RUBCNL: variants seen among roughly 807,000 people sequenced by gnomAD.
RUBCNL encodes the protein protein associated with UVRAG as autophagy enhancer.
Under a neutral mutation model 69.5 loss-of-function variants are expected in RUBCNL, and 62 were observed. The observed-to-expected ratio is 0.89, with a 90% confidence interval of 0.73 to 1.10. The LOEUF is 1.10. Ranked by LOEUF, RUBCNL falls within the 50% of genes least tolerant of loss-of-function variation. The probability of loss-of-function intolerance (pLI) is 0.00; values close to 1 mark genes in which losing one functional copy is unlikely to be tolerated. For missense variants in RUBCNL, 768 were observed against 798.1 expected (o/e 0.96, Z 0.45); for synonymous variants, 291 against 303.6 (o/e 0.96, Z 0.43).
intron 12 of RUBCNL, among the ~76,000 whole-genome samples, chr13:46,347,359 A>G (rs1434796422): frequency 6.6e-6 from 1 of 152,142 alleles, no homozygotes; most frequent in African/African-American, 2.4e-5. Flanking sequence ...GTGAGCCAAG[A>G]CTGTACCACT....
At chr13:46,346,446 T>A (rs1452354671) in intron 12 of RUBCNL, among the ~76,000 whole-genome samples, 1 of 152,186 alleles carries the variant, frequency 6.6e-6, no homozygotes, top group African/African-American at 2.4e-5. Context: ...TCCGTTTGTA[T>A]CCTCATGGTC....
rs1481298539 is a variant in RUBCNL, at chr13:46,339,584, C to T, written c.*3801G>A. On this transcript the variant is annotated 3_prime_UTR_variant, in exon 15 of 15. Transcript: ENST00000429979. ...GGTGGTTTAAAACAACAGGGTCAGG[C>T]GCAGTGGCTCAGGCCTGTAATCCCA... is the stretch of plus-strand genomic sequence containing the variant. Among the ~76,000 whole-genome samples the T allele has an allele frequency of 6.6e-6, 1 of 152,118 alleles. No individual in the cohort carries two copies. The highest frequency in any genetic ancestry group is 1.5e-5 in the Non-Finnish European group (1 of 68,018).
At position 46,342,541 on chromosome 13, in the gene RUBCNL, A is replaced by G. The variant is rs961880310; in HGVS notation, c.*844T>C. The G allele has an allele frequency of 6.6e-6, 1 of 152,254 alleles. No homozygotes were observed. Among genetic ancestry groups the G allele is most frequent in the African/African-American group, 2.4e-5 (1 of 41,468 alleles). 9.4% of individuals were successfully genotyped at this position (152,254 alleles called of 1,614,324 possible). Reference sequence around the variant, plus strand: ...CATTTAACCTTATTAGTCAATGTCTATGATTTTAATGTTATTACTAGAATC... The same window carrying G: ...CATTTAACCTTATTAGTCAATGTCTGTGATTTTAATGTTATTACTAGAATC... On this transcript the variant is annotated 3_prime_UTR_variant, in exon 15 of 15. Transcript: ENST00000429979.
At position 46,341,955 on chromosome 13, in the gene RUBCNL, T is replaced by C. The variant is rs2048148202; in HGVS notation, c.*1430A>G. 1 of 152,232 alleles carries C rather than the reference T, an allele frequency of 6.6e-6. No homozygotes were observed. The highest frequency in any genetic ancestry group is 1.5e-5 in the Non-Finnish European group (1 of 68,040). The allele number at this position is 152,232 out of a possible 1,614,324, so 9.4% of individuals were successfully genotyped here. ...AATGTGAACATACCACTCTTACCCT[T>C]GATTCTTAACAGGGAATAGGAGCAA... On this transcript the variant is annotated 3_prime_UTR_variant, in exon 15 of 15. Coordinates refer to ENST00000429979, the MANE Select transcript of RUBCNL (RefSeq NM_025113.5).
Position 46,368,756 on chromosome 13 carries a change from C to T in RUBCNL, c.595G>A (p.Val199Met), listed in dbSNP as rs770276247. 1 of 1,613,734 alleles carries T rather than the reference C, an allele frequency of 6.2e-7. No individual in the cohort carries two copies. Among genetic ancestry groups the T allele is most frequent in the Non-Finnish European group, 8.5e-7 (1 of 1,179,774 alleles). ...ACCTTTTCTACATCAACAGGCAGCA[C>T]AAATACCTCTGGTGAGAAGGAATTC... ...SSNSFSPEVF[V>M]LPVDVEKENA... Residue 199 changes from valine (V) to methionine (M), a missense_variant, in exon 4 of 15, where the codon GTG becomes ATG. Physicochemically the swap from Val to Met is conservative, Grantham distance 21. Coordinates refer to ENST00000429979, the MANE Select transcript of RUBCNL (RefSeq NM_025113.5).
chr13:46,386,110 T>C (rs756985620), intron 1 of RUBCNL, among the ~76,000 whole-genome samples: 48 of 152,136 alleles, frequency 3.2e-4, no homozygotes, highest in Non-Finnish European at 6.3e-4. Flanking sequence ...TGGGCAGCAA[T>C]GTGGTGATAC....
At chr13:46,377,353 T>C (rs1219226235) in intron 2 of RUBCNL, among the ~76,000 whole-genome samples, 1 of 152,204 alleles carries the variant, frequency 6.6e-6, no homozygotes, top group African/African-American at 2.4e-5. Context: ...AACCTCTGCC[T>C]CGTGGATTCA....
Position 46,343,347 on chromosome 13 carries a change from G to A in RUBCNL, c.*38C>T. The stretch of plus-strand genomic sequence containing the variant: ...TAGACACAAATCGGTGTTATCATAA[G>A]GCATGTTGAACAGTCTTTTTCACAG... On this transcript the variant is annotated 3_prime_UTR_variant, in exon 15 of 15. Transcript: ENST00000429979. The A allele has an allele frequency of 8.1e-6, 13 of 1,601,690 alleles. No homozygotes were observed. The highest frequency in any genetic ancestry group is 1.0e-5 in the Non-Finnish European group (12 of 1,172,862).
Position 46,349,352 on chromosome 13 carries a change from T to C in RUBCNL, c.1570-5A>G, listed in dbSNP as rs2048319007. 6.2e-7 allele frequency: 1 copy of C among 1,613,422 alleles called. No homozygotes were observed. Among genetic ancestry groups the C allele is most frequent in the African/African-American group, 1.3e-5 (1 of 75,024 alleles). On this transcript the variant is annotated splice_region_variant and splice_polypyrimidine_tract_variant and intron_variant, in intron 11 of 14. Transcript: ENST00000429979. ...GAAGAGCTGCTCCTGAATTTCCTAA[T>C]GGGAGAAACCAAACACGGGGAAAAG...
intron 1 of RUBCNL, among the ~76,000 whole-genome samples, chr13:46,379,101 T>C (rs1016518640): frequency 1.3e-5 from 2 of 152,172 alleles, no homozygotes; most frequent in Non-Finnish European, 2.9e-5. Context: ...TATTTATTTA[T>C]TTTTTTGAGA....
chr13:46,345,729 C>CG, intron 12 of RUBCNL, 129 bp from the exon 13 acceptor site: 1 of 904,368 alleles, frequency 1.1e-6, no homozygotes, highest in South Asian at 1.9e-5. Flanking sequence ...AAATAAATAG[C>CG]TCCAAGAACA....
intron 1 of RUBCNL, among the ~76,000 whole-genome samples, chr13:46,385,765 T>C (rs539207812): frequency 1.3e-5 from 2 of 151,948 alleles, no homozygotes; most frequent in African/African-American, 4.8e-5. Context: ...CAGCCAACAA[T>C]GTTTTTGTTG....
intron 10 of RUBCNL, among the ~76,000 whole-genome samples, chr13:46,351,207 A>G (rs1371889207): frequency 1.3e-5 from 2 of 152,176 alleles, no homozygotes; most frequent in African/African-American, 4.8e-5. Context: ...ACAGTGAGCC[A>G]TCATCATGTC....
In RUBCNL at chr13:46,361,350, A is replaced by T; in HGVS notation, c.1119+91T>A. 2.9e-6 allele frequency: 4 copies of T among 1,399,824 alleles called. No homozygotes were observed. In the South Asian group the frequency reaches 5.3e-5, roughly 18 times the overall value. The allele number at this position is 1,399,824 out of a possible 1,614,324, so 86.7% of individuals were successfully genotyped here. ...GTCTCCCCTAATATCCAGTGACCAT[A>T]CAAGGAAAGACAAATGTTTAAAGTG... On this transcript the variant is annotated intron_variant, in intron 8 of 14. Transcript: ENST00000429979.
At chr13:46,376,541 G>A (rs2048998894) in intron 2 of RUBCNL, among the ~76,000 whole-genome samples, 1 of 151,958 alleles carries the variant, frequency 6.6e-6, no homozygotes, top group Admixed American at 6.6e-5. Context: ...CCCACCTTGT[G>A]CACCAATTTC....
chr13:46,378,747 T>G (rs924494342), intron 1 of RUBCNL: 1 of 152,266 alleles, frequency 6.6e-6, no homozygotes, highest in African/African-American at 2.4e-5. Context: ...CAGCCAGCAC[T>G]TGGAGGGCAG....
At chr13:46,370,915 A>AG (rs1418950392) in intron 3 of RUBCNL, among the ~76,000 whole-genome samples, 2 of 143,412 alleles carry the variant, frequency 1.4e-5, no homozygotes, top group South Asian at 2.2e-4. Context: ...GCAAAAAAAT[A>AG]GGAAAAAAAA....
intron 6 of RUBCNL, among the ~76,000 whole-genome samples, 157 bp downstream of exon 6, chr13:46,362,958 A>ATATATC (rs1555253829): frequency 3.9e-5 from 3 of 76,346 alleles, no homozygotes; most frequent in Non-Finnish European, 5.0e-5. Context: ...ATATATATAT[A>ATATATC]TATATATATA....
At chr13:46,371,851 C>T in intron 3 of RUBCNL, 90 bp downstream of exon 3, 1 of 1,344,620 alleles carries the variant, frequency 7.4e-7, no homozygotes, top group African/African-American at 1.5e-5. Flanking sequence ...ATGCATTGTC[C>T]CATGGGGAAG....
Sources: allele counts gnomAD v4.1 joint callset (sites outside exome capture counted in the v4.1 genomes callset), GRCh38; gene constraint gnomAD v4.1.1; transcripts MANE v1.5; gene names NCBI Gene and HGNC (gene_info 2026-07-23, HGNC 2026-07-21).